Variants in APBB1IP observed in about 807,000 individuals in gnomAD.
APBB1IP encodes amyloid beta precursor protein binding family B member 1 interacting protein.
Under a neutral mutation model 64.9 loss-of-function variants are expected in APBB1IP, and 27 were observed. The observed-to-expected ratio is 0.42, with a 90% confidence interval of 0.31 to 0.57. The LOEUF (loss-of-function observed/expected upper bound fraction) is 0.57. APBB1IP is among the 20% of genes least tolerant of loss of function. The pLI, the probability that APBB1IP is intolerant of heterozygous loss-of-function variation, is 0.20. For synonymous variants in APBB1IP, 392 were observed against 331.0 expected (o/e 1.18, Z -2.00); for missense variants, 812 against 845.5 (o/e 0.96, Z 0.49).
intron 2 of APBB1IP, among the ~76,000 whole-genome samples, chr10:26,442,697 A>C (rs10828994): frequency 0.39 from 59,034 of 152,078 alleles, 11,646 homozygotes; most frequent in South Asian, 0.49. Flanking sequence ...ATATGTAAAT[A>C]ACAACAAATA....
intron 14 of APBB1IP, among the ~76,000 whole-genome samples, chr10:26,562,809 T>C (rs2132485835): frequency 6.6e-6 from 1 of 151,778 alleles, no homozygotes; most frequent in Admixed American, 6.6e-5. Context: ...AATAAATAAA[T>C]AAATAAATAA....
At chr10:26,532,124 G>T (rs1343764213) in intron 8 of APBB1IP, among the ~76,000 whole-genome samples, 1 of 152,146 alleles carries the variant, frequency 6.6e-6, no homozygotes, top group Non-Finnish European at 1.5e-5. Flanking sequence ...ACACTCCTAT[G>T]GTGTAAACAC....
chr10:26,468,350 G>T (rs1835671889), intron 2 of APBB1IP, among the ~76,000 whole-genome samples: 1 of 151,988 alleles, frequency 6.6e-6, no homozygotes, highest in Admixed American at 6.6e-5. Flanking sequence ...AAACTTTATT[G>T]ATTCATTTAA....
At chr10:26,492,442 A>G (rs772646261) in intron 3 of APBB1IP, 44 bp downstream of exon 3, 1 of 1,570,074 alleles carries the variant, frequency 6.4e-7, no homozygotes, top group Non-Finnish European at 8.8e-7. Context: ...ACAAAAATAG[A>G]GTTGCAGAAT....
At chr10:26,498,627 A>C (rs1188917759) in intron 4 of APBB1IP, among the ~76,000 whole-genome samples, 6 of 152,250 alleles carry the variant, frequency 3.9e-5, no homozygotes, top group Non-Finnish European at 8.8e-5. Flanking sequence ...CATGCTTTAT[A>C]ATCAGTTCAA....
intron 10 of APBB1IP, among the ~76,000 whole-genome samples, chr10:26,539,317 C>T (rs1356610356): frequency 2.0e-5 from 3 of 150,772 alleles, no homozygotes; most frequent in Non-Finnish European, 4.4e-5. Flanking sequence ...GAGGCTGATC[C>T]GGGAGGATCA....
chr10:26,514,441 A>G (rs568606101), intron 8 of APBB1IP, among the ~76,000 whole-genome samples: 1 of 152,382 alleles, frequency 6.6e-6, no homozygotes, highest in Admixed American at 6.5e-5. Flanking sequence ...AATTTGTGCA[A>G]GTAAAAAGCA....
intron 10 of APBB1IP, among the ~76,000 whole-genome samples, chr10:26,540,379 A>T (rs1053173533): frequency 6.6e-6 from 1 of 152,206 alleles, no homozygotes; most frequent in Non-Finnish European, 1.5e-5. Flanking sequence ...ATTCAAGACC[A>T]GCCTGGGCAA....
At chr10:26,476,183 C>T (rs368026147) in intron 2 of APBB1IP, among the ~76,000 whole-genome samples, 17 of 151,776 alleles carry the variant, frequency 1.1e-4, no homozygotes, top group East Asian at 3.9e-4. Context: ...CTCAGCCTCC[C>T]GAGCAGCTGG....
At chr10:26,563,124 G>A (rs1465660600) in intron 14 of APBB1IP, among the ~76,000 whole-genome samples, 1 of 152,154 alleles carries the variant, frequency 6.6e-6, no homozygotes. Context: ...AGGGCAACTA[G>A]TAGTCTGAAG....
At chr10:26,515,471 A>G (rs1169291523) in intron 8 of APBB1IP, among the ~76,000 whole-genome samples, 1 of 152,176 alleles carries the variant, frequency 6.6e-6, no homozygotes, top group Non-Finnish European at 1.5e-5. Flanking sequence ...TTGGCCAGAA[A>G]TTAGTTACAT....
intron 2 of APBB1IP, among the ~76,000 whole-genome samples, chr10:26,487,897 A>G (rs1353411481): frequency 6.6e-6 from 1 of 152,160 alleles, no homozygotes; most frequent in African/African-American, 2.4e-5. Context: ...GCTTATTGTA[A>G]TGCTAGTTGG....
At chr10:26,461,344 C>T (rs1018910738) in intron 2 of APBB1IP, among the ~76,000 whole-genome samples, 7 of 152,000 alleles carry the variant, frequency 4.6e-5, no homozygotes, top group African/African-American at 1.4e-4. Context: ...AATATATAGC[C>T]GATTATTTCA....
At chr10:26,478,303 G>A (rs1461572581) in intron 2 of APBB1IP, among the ~76,000 whole-genome samples, 1 of 152,212 alleles carries the variant, frequency 6.6e-6, no homozygotes, top group East Asian at 1.9e-4. Flanking sequence ...GCTCATGTGA[G>A]CAGAGCACAG....
At chr10:26,517,522 C>T (rs1399901472) in intron 8 of APBB1IP, among the ~76,000 whole-genome samples, 1 of 152,224 alleles carries the variant, frequency 6.6e-6, no homozygotes, top group African/African-American at 2.4e-5. Context: ...TCACTGCAAC[C>T]TCCACCTTGC....
chr10:26,520,750 T>C lies in APBB1IP; in HGVS notation c.813+7090T>C, dbSNP rs74128339. Reference sequence around the variant, plus strand: ...ATCTTGGTGTGCTCTTTGACAACACTTAAATTCACTTCTCAGTTTGTAAAA... The same window carrying C: ...ATCTTGGTGTGCTCTTTGACAACACCTAAATTCACTTCTCAGTTTGTAAAA... On this transcript the variant is annotated intron_variant, in intron 8 of 14. Transcript: ENST00000376236. 7.4e-3 allele frequency among the ~76,000 whole-genome samples: 1,126 copies of C among 152,236 alleles called. 15 individuals are homozygous for C. The highest frequency in any genetic ancestry group is 0.026 in the African/African-American group (1,075 of 41,530).
Position 26,493,311 on chromosome 10 carries a change from G to A in APBB1IP, c.72+913G>A, listed in dbSNP as rs573755843. On this transcript the variant is annotated intron_variant, in intron 3 of 14. Transcript: ENST00000376236. ...CGCAATCATCACAGGGTCCTAAGGC[G>A]ACATACATCTTTAGCTTATGAAGAT... Among the ~76,000 whole-genome samples, 5 of 152,190 alleles carry A rather than the reference G, an allele frequency of 3.3e-5. 1 individual carries two copies. The highest frequency in any genetic ancestry group is 2.1e-4 in the South Asian group (1 of 4,824).
intron 3 of APBB1IP, among the ~76,000 whole-genome samples, chr10:26,495,508 C>A (rs1836009779): frequency 6.6e-6 from 1 of 151,538 alleles, no homozygotes; most frequent in Non-Finnish European, 1.5e-5. Flanking sequence ...ATGGCTCACA[C>A]CTGTAATCCC....
At chr10:26,456,737 TAAAAA>T in intron 2 of APBB1IP, among the ~76,000 whole-genome samples, 1 of 90,676 alleles carries the variant, frequency 1.1e-5, no homozygotes, top group East Asian at 3.4e-4. Flanking sequence ...AGAACCTGTC[TAAAAA>T]AAAAAAAAAA....
Sources: gnomAD v4.1 joint callset for allele counts (sites outside exome capture counted in the v4.1 genomes callset) on GRCh38, gnomAD v4.1.1 for gene constraint, MANE v1.5 for transcripts, NCBI Gene and HGNC (gene_info 2026-07-23, HGNC 2026-07-21) for gene names.